The following CNTN3 variants were observed in gnomAD, a reference collection of about 807,000 sequenced individuals.
CNTN3 encodes the protein contactin-3.
CNTN3 carries 60 observed loss-of-function variants against 119.1 expected under a neutral mutation model. That is an observed-to-expected ratio of 0.50 (90% confidence interval 0.41 to 0.62). The LOEUF (loss-of-function observed/expected upper bound fraction) is 0.62, where lower values mean the gene tolerates loss of function less well. Ranked by LOEUF, CNTN3 falls within the 20% of genes least tolerant of loss-of-function variation. The pLI is 0.00. For missense variants in CNTN3, 1,101 were observed against 1,242.4 expected (o/e 0.89, Z 1.71); for synonymous variants, 450 against 438.7 (o/e 1.03, Z -0.32).
chr3:74,269,060 A>C (rs1158022395), intron 20 of CNTN3, among the ~76,000 whole-genome samples: 10 of 147,082 alleles, frequency 6.8e-5, no homozygotes, highest in East Asian at 4.0e-4. Flanking sequence ...AAAAAAAAAA[A>C]CAAAAAAAAA....
At chr3:74,344,739 G>T (rs942189159) in intron 11 of CNTN3, among the ~76,000 whole-genome samples, 1 of 152,056 alleles carries the variant, frequency 6.6e-6, no homozygotes, top group African/African-American at 2.4e-5. Context: ...GATTACAGGC[G>T]TTGAGACACC....
intron 13 of CNTN3, among the ~76,000 whole-genome samples, chr3:74,303,936 C>A (rs777690176): frequency 3.3e-5 from 5 of 152,114 alleles, no homozygotes; most frequent in Non-Finnish European, 7.4e-5. Context: ...GGAAAATGAT[C>A]ATCAGTTCAT....
At chr3:74,267,093 T>C (rs1313323419) in intron 21 of CNTN3, among the ~76,000 whole-genome samples, 173 bp downstream of exon 21, 2 of 152,128 alleles carry the variant, frequency 1.3e-5, no homozygotes, top group East Asian at 1.9e-4. Context: ...CTTGAAACCA[T>C]ATTTAAGAAG....
intron 13 of CNTN3, among the ~76,000 whole-genome samples, chr3:74,327,119 T>G (rs1393503273): frequency 6.9e-6 from 1 of 145,292 alleles, no homozygotes; most frequent in Non-Finnish European, 1.5e-5. Flanking sequence ...TTTTTTTTTT[T>G]TTTTTTTTTT....
intron 5 of CNTN3, among the ~76,000 whole-genome samples, chr3:74,414,871 T>C (rs1181407665): frequency 1.5e-5 from 2 of 135,392 alleles, no homozygotes; most frequent in African/African-American, 5.3e-5. Flanking sequence ...TGGTGTTTCC[T>C]ATAGTCTTTT....
chr3:74,534,354 A>T (rs548517000), intron 1 of CNTN3, among the ~76,000 whole-genome samples: 7 of 151,834 alleles, frequency 4.6e-5, no homozygotes, highest in South Asian at 2.1e-4. Context: ...CCACTTTATT[A>T]TTTTTTTTCA....
At chr3:74,554,477 G>T (rs1243531602) in intron 1 of CNTN3, among the ~76,000 whole-genome samples, 2 of 152,136 alleles carry the variant, frequency 1.3e-5, no homozygotes, top group South Asian at 2.1e-4. Context: ...GCTTGATGGG[G>T]ATAGCATGGA....
intron 4 of CNTN3, among the ~76,000 whole-genome samples, chr3:74,453,931 A>C (rs558112067): frequency 2.6e-5 from 4 of 152,018 alleles, no homozygotes; most frequent in East Asian, 3.9e-4. Flanking sequence ...TTACTTCCAA[A>C]TATGTGGTCA....
rs1705140755 is a variant in CNTN3, at chr3:74,614,504, C to T, written c.-194G>A. Among the ~76,000 whole-genome samples, 2 of 146,772 alleles carry T rather than the reference C, an allele frequency of 1.4e-5. No individual in the cohort carries two copies. The highest frequency in any genetic ancestry group is 2.1e-4 in the South Asian group (1 of 4,800). On this transcript the variant is annotated 5_prime_UTR_variant, in exon 1 of 23. Coordinates refer to ENST00000263665, the MANE Select transcript of CNTN3 (RefSeq NM_020872.3). ...AGTTAGTCCGGGCCCGGGGGGCCGCCGTGCGCGCCCGCGTAAGCCGCCGCC... is the reference window on the plus strand; with the variant it reads ...AGTTAGTCCGGGCCCGGGGGGCCGCTGTGCGCGCCCGCGTAAGCCGCCGCC...
chr3:74,570,702 G>A (rs895160059), intron 1 of CNTN3, among the ~76,000 whole-genome samples: 2 of 152,102 alleles, frequency 1.3e-5, no homozygotes, highest in Non-Finnish European at 2.9e-5. Context: ...AAAAACTAAG[G>A]ATATGAGAGT....
intron 5 of CNTN3, among the ~76,000 whole-genome samples, chr3:74,412,352 C>G (rs9823060): frequency 0.015 from 2,324 of 152,216 alleles, 51 homozygotes; most frequent in African/African-American, 0.053. Flanking sequence ...TGTTTAATTA[C>G]TTCAGAAAAA....
In CNTN3 at chr3:74,320,311, A is replaced by G. The variant is rs375808188; in HGVS notation, c.1668+14424T>C. Among the ~76,000 whole-genome samples the G allele has an allele frequency of 8.6e-3, 1,306 of 152,352 alleles. 21 individuals carry two copies. Among genetic ancestry groups the G allele is most frequent in the South Asian group, 0.084 (407 of 4,826 alleles). The stretch of plus-strand genomic sequence containing the variant: ...AGACTGGATTAAGAAAATGTGGCAC[A>G]TATACATCATGGAATACTATGCAGC... On this transcript the variant is annotated intron_variant, in intron 13 of 22. Transcript: ENST00000263665.
At chr3:74,489,932 T>C (rs910956424) in intron 3 of CNTN3, among the ~76,000 whole-genome samples, 2 of 152,188 alleles carry the variant, frequency 1.3e-5, no homozygotes, top group East Asian at 1.9e-4. Context: ...ATGGTTAGTA[T>C]GGGAGGAGGT....
chr3:74,448,322 T>C (rs531908314), intron 4 of CNTN3, among the ~76,000 whole-genome samples: 2 of 152,180 alleles, frequency 1.3e-5, no homozygotes, highest in Non-Finnish European at 2.9e-5. Flanking sequence ...CACTAGGGGC[T>C]TTATCTCATG....
chr3:74,312,722 A>T (rs1010486057), intron 13 of CNTN3, among the ~76,000 whole-genome samples: 2 of 152,070 alleles, frequency 1.3e-5, no homozygotes, highest in African/African-American at 2.4e-5. Flanking sequence ...ACATTACTAG[A>T]GGCTTATTTG....
At chr3:74,584,266 G>A (rs1704559104) in intron 1 of CNTN3, among the ~76,000 whole-genome samples, 1 of 151,988 alleles carries the variant, frequency 6.6e-6, no homozygotes, top group Non-Finnish European at 1.5e-5. Flanking sequence ...TTACATAGTT[G>A]TTATAATCCA....
chr3:74,589,562 A>C (rs1379933963), intron 1 of CNTN3, among the ~76,000 whole-genome samples: 6 of 143,612 alleles, frequency 4.2e-5, no homozygotes, highest in Non-Finnish European at 7.6e-5. Flanking sequence ...TTCCTCAGGG[A>C]TCTAGAACTA....
At chr3:74,585,079 C>A (rs553551630) in intron 1 of CNTN3, among the ~76,000 whole-genome samples, 2 of 152,200 alleles carry the variant, frequency 1.3e-5, no homozygotes, top group South Asian at 4.1e-4. Context: ...GTGTTTCCAC[C>A]ATTTTATAAT....
At chr3:74,576,822 A>C (rs1704425436) in intron 1 of CNTN3, among the ~76,000 whole-genome samples, 1 of 152,144 alleles carries the variant, frequency 6.6e-6, no homozygotes, top group South Asian at 2.1e-4. Flanking sequence ...AAATAAATTC[A>C]AATAAAGCCT....
Sources: gnomAD v4.1 joint callset for allele counts (sites outside exome capture counted in the v4.1 genomes callset) on GRCh38, gnomAD v4.1.1 for gene constraint, MANE v1.5 for transcripts, NCBI Gene and HGNC (gene_info 2026-07-23, HGNC 2026-07-21) for gene names.